The following DDX10 variants were observed in gnomAD, a reference collection of about 807,000 sequenced individuals.
DDX10 encodes the protein probable ATP-dependent RNA helicase DDX10.
A neutral mutation model predicts 104.3 loss-of-function variants in DDX10; 74 were observed. The observed-to-expected ratio is 0.71, with a 90% CI of 0.59 to 0.86. The LOEUF (loss-of-function observed/expected upper bound fraction) is 0.86. DDX10 is among the 40% of genes least tolerant of loss of function. The probability of loss-of-function intolerance (pLI) is 0.00; values close to 1 mark genes in which losing one functional copy is unlikely to be tolerated. For missense variants in DDX10, 952 were observed against 1,040.0 expected (o/e 0.92, Z 1.16); for synonymous variants, 351 against 353.4 (o/e 0.99, Z 0.08).
At chr11:108,740,798 C>T (rs2094324222) in intron 13 of DDX10, among the ~76,000 whole-genome samples, 1 of 152,110 alleles carries the variant, frequency 6.6e-6, no homozygotes, top group South Asian at 2.1e-4. Context: ...AGTGTCTGGT[C>T]ATGTCCTTTG....
At chr11:108,690,715 C>T (rs2134449825) in intron 7 of DDX10, 1 of 190,742 alleles carries the variant, frequency 5.2e-6, no homozygotes, top group Non-Finnish European at 1.1e-5. Flanking sequence ...TGAGAGATGC[C>T]CCCAGGAAAA....
intron 17 of DDX10, among the ~76,000 whole-genome samples, chr11:108,923,351 A>G (rs865797211): frequency 1.3e-5 from 2 of 152,224 alleles, no homozygotes; most frequent in African/African-American, 2.4e-5. Context: ...TTTCATTTCA[A>G]ATAGTCCATA....
chr11:108,696,283 T>G (rs2134453448), intron 9 of DDX10, among the ~76,000 whole-genome samples: 1 of 152,244 alleles, frequency 6.6e-6, no homozygotes, highest in South Asian at 2.1e-4. Context: ...TTCAAGTGAT[T>G]CTCCTGCCTC....
At chr11:108,706,079 C>T (rs2094275431) in intron 9 of DDX10, among the ~76,000 whole-genome samples, 1 of 152,018 alleles carries the variant, frequency 6.6e-6, no homozygotes, top group Non-Finnish European at 1.5e-5. Flanking sequence ...TGAAGCAATT[C>T]TCCTACCTCA....
chr11:108,728,076 A>G (rs1237921161), intron 13 of DDX10, among the ~76,000 whole-genome samples: 1 of 152,176 alleles, frequency 6.6e-6, no homozygotes, highest in Non-Finnish European at 1.5e-5. Flanking sequence ...AAGCACACAC[A>G]GTATACAAGC....
chr11:108,899,778 G>A (rs12292355), intron 16 of DDX10, among the ~76,000 whole-genome samples: 1,735 of 152,164 alleles, frequency 0.011, 34 homozygotes, highest in African/African-American at 0.039. Flanking sequence ...TGCTGTCCTC[G>A]CAATAGTGAG....
intron 8 of DDX10, 62 bp from the exon 9 acceptor site, chr11:108,693,454 A>G: frequency 8.4e-7 from 1 of 1,186,726 alleles, no homozygotes; most frequent in Non-Finnish European, 1.3e-6. Context: ...TTTTAAGATA[A>G]AAATAGTGCA....
chr11:108,765,455 CTA>C lies in DDX10; in HGVS notation c.1965+41995_1965+41996del, dbSNP rs1418165599. Among the ~76,000 whole-genome samples the C allele has an allele frequency of 3.9e-5, 6 of 152,286 alleles. No individual in the cohort carries two copies. In the East Asian group the frequency reaches 1.2e-3, roughly 29 times the overall value. On this transcript the variant is annotated intron_variant, in intron 13 of 17. Transcript: ENST00000322536. ...TTACTTAAGACTAGATGACAAGAGA[CTA>C]TTAGTTTTAAGGTAAATTAGGTGCT... is the stretch of plus-strand genomic sequence containing the variant.
chr11:108,887,021 A>C (rs1464312716), intron 16 of DDX10, among the ~76,000 whole-genome samples: 2 of 152,262 alleles, frequency 1.3e-5, no homozygotes, highest in East Asian at 1.9e-4. Flanking sequence ...TCCTCAACTA[A>C]ATATGTAACT....
At chr11:108,763,841 A>G (rs954237714) in intron 13 of DDX10, among the ~76,000 whole-genome samples, 2 of 152,212 alleles carry the variant, frequency 1.3e-5, no homozygotes, top group African/African-American at 4.8e-5. Flanking sequence ...AATGCATTAA[A>G]TAGTTCAAGC....
intron 16 of DDX10, among the ~76,000 whole-genome samples, chr11:108,875,902 A>T (rs992802721): frequency 6.6e-6 from 1 of 152,152 alleles, no homozygotes; most frequent in Non-Finnish European, 1.5e-5. Flanking sequence ...CATACAGATG[A>T]TGCCTAGCTT....
chr11:108,866,199 G>A (rs1477426573), intron 16 of DDX10, among the ~76,000 whole-genome samples: 3 of 152,104 alleles, frequency 2.0e-5, no homozygotes, highest in African/African-American at 7.2e-5. Context: ...AAATCCTGGG[G>A]AACAGCAACA....
intron 1 of DDX10, among the ~76,000 whole-genome samples, chr11:108,669,578 G>A (rs146828318): frequency 1.3e-5 from 2 of 152,340 alleles, no homozygotes; most frequent in African/African-American, 2.4e-5. Flanking sequence ...AAGAAGGTTG[G>A]ACTGTGATGA....
At chr11:108,685,240 C>T (rs1173526425) in intron 6 of DDX10, among the ~76,000 whole-genome samples, 19 of 151,314 alleles carry the variant, frequency 1.3e-4, no homozygotes, top group Admixed American at 8.6e-4. Flanking sequence ...CGTGGTGCGC[C>T]GTTTCTTAAG....
At chr11:108,787,655 G>A (rs1861813849) in intron 13 of DDX10, among the ~76,000 whole-genome samples, 1 of 152,086 alleles carries the variant, frequency 6.6e-6, no homozygotes, top group South Asian at 2.1e-4. Context: ...GTAAGGGGCT[G>A]GGTGCGATGG....
chr11:108,892,712 A>C (rs553192479), intron 16 of DDX10, among the ~76,000 whole-genome samples: 1 of 152,204 alleles, frequency 6.6e-6, no homozygotes, highest in East Asian at 1.9e-4. Flanking sequence ...GTCATTGTAT[A>C]TGTTCTCAGA....
At chr11:108,801,434 C>G (rs1480212680) in intron 13 of DDX10, among the ~76,000 whole-genome samples, 1 of 152,148 alleles carries the variant, frequency 6.6e-6, no homozygotes, top group African/African-American at 2.4e-5. Context: ...AAATGTTAAA[C>G]TATTCCAAGG....
chr11:108,713,371 T>G (rs984767347), intron 10 of DDX10, among the ~76,000 whole-genome samples: 8 of 152,316 alleles, frequency 5.3e-5, no homozygotes, highest in African/African-American at 1.7e-4. Context: ...TTCTGTTGTG[T>G]TGTTTTCAGT....
At chr11:108,688,903 T>C in intron 6 of DDX10, 33 bp from the exon 7 acceptor site, 1 of 1,604,416 alleles carries the variant, frequency 6.2e-7, no homozygotes, top group Non-Finnish European at 8.5e-7. Context: ...ACATGACATA[T>C]TCTAATGTTT....
Sources: allele counts gnomAD v4.1 joint callset (sites outside exome capture counted in the v4.1 genomes callset), GRCh38; gene constraint gnomAD v4.1.1; transcripts MANE v1.5; gene names NCBI Gene and HGNC (gene_info 2026-07-23, HGNC 2026-07-21).